The following SYTL5 variants were observed in gnomAD, a reference collection of about 807,000 sequenced individuals.
SYTL5 encodes the protein synaptotagmin like 5, also known as synaptotagmin-like protein 5.
In SYTL5, 34 loss-of-function variants were observed where a neutral mutation model predicts 55.9. The ratio of observed to expected loss-of-function variants is 0.61; its 90% CI spans 0.46 to 0.81. The LOEUF (loss-of-function observed/expected upper bound fraction) is 0.81, where lower values mean the gene tolerates loss of function less well. Ranked by LOEUF, SYTL5 falls within the 30% of genes least tolerant of loss-of-function variation. SYTL5 has a pLI of 0.00. For missense variants in SYTL5, 637 were observed against 546.7 expected (o/e 1.17, Z -1.65); for synonymous variants, 221 against 188.7 (o/e 1.17, Z -1.40).
chrX:38,053,575 A>T (rs1383089012), intron 2 of SYTL5, among the ~76,000 whole-genome samples: 1 of 112,294 alleles, frequency 8.9e-6, no homozygotes, highest in East Asian at 2.8e-4. Context: ...AATGGTAGGC[A>T]GTCTACAGCC....
intron 7 of SYTL5, among the ~76,000 whole-genome samples, chrX:38,090,327 A>T (rs186513080): frequency 1.3e-3 from 142 of 111,851 alleles, no homozygotes; most frequent in African/African-American, 4.4e-3. Context: ...TTTTCTATAC[A>T]TCTGTTAACA....
intron 1 of SYTL5, among the ~76,000 whole-genome samples, chrX:38,033,206 T>C (rs1935009501): frequency 9.0e-6 from 1 of 111,281 alleles, no homozygotes; most frequent in Non-Finnish European, 1.9e-5. Context: ...GCAGTCCAGA[T>C]TGTGCACTTA....
chrX:38,101,519 G>A (rs962477323), intron 9 of SYTL5, among the ~76,000 whole-genome samples: 3 of 110,665 alleles, frequency 2.7e-5, no homozygotes, highest in Non-Finnish European at 5.7e-5. Context: ...TGTAACATGT[G>A]CAGCAGGATG....
the SYTL5 span, among the ~76,000 whole-genome samples, chrX:37,971,221 CT>C: frequency 7.6e-5 from 8 of 105,852 alleles, no homozygotes; most frequent in East Asian, 1.2e-3. Flanking sequence ...TAAAGACCTT[CT>C]TTTTTTTTTC....
intron 6 of SYTL5, among the ~76,000 whole-genome samples, chrX:38,085,686 G>A (rs757186967): frequency 2.7e-5 from 3 of 111,636 alleles, no homozygotes; most frequent in South Asian, 7.6e-4. Context: ...TCTCAGGTTC[G>A]TGCTGCCTTA....
chrX:38,000,067 C>T, the SYTL5 span, among the ~76,000 whole-genome samples: 1 of 112,087 alleles, frequency 8.9e-6, no homozygotes, highest in South Asian at 3.7e-4. Context: ...GATAGTGAGT[C>T]TTGACAACAC....
intron 7 of SYTL5, among the ~76,000 whole-genome samples, chrX:38,091,141 A>G (rs1056588604): frequency 4.5e-5 from 5 of 111,749 alleles, no homozygotes; most frequent in African/African-American, 1.6e-4. Context: ...GCTGTAGGAG[A>G]ACAAGAGTGA....
chrX:38,036,309 AAAT>A (rs1464183584), intron 2 of SYTL5, among the ~76,000 whole-genome samples: 1 of 110,791 alleles, frequency 9.0e-6, no homozygotes. Flanking sequence ...CCATCTCAAA[AAAT>A]AATAATAATA....
chrX:37,996,731 G>GC, the SYTL5 span, among the ~76,000 whole-genome samples: 1 of 112,067 alleles, frequency 8.9e-6, no homozygotes, highest in South Asian at 3.9e-4. Context: ...GGGAAGCAAA[G>GC]CATTTTGAAG....
intron 5 of SYTL5, among the ~76,000 whole-genome samples, chrX:38,076,323 T>G (rs1936388296): frequency 9.0e-6 from 1 of 111,667 alleles, no homozygotes; most frequent in Non-Finnish European, 1.9e-5. Flanking sequence ...GAATAGGCAG[T>G]CTTTTGCTTA....
chrX:38,081,595 A>C (rs1432433803), intron 6 of SYTL5, among the ~76,000 whole-genome samples: 1 of 111,463 alleles, frequency 9.0e-6, no homozygotes, highest in Non-Finnish European at 1.9e-5. Flanking sequence ...TGGTCTAAGG[A>C]AACAGAGATA....
chrX:37,912,722 A>G, the SYTL5 span, among the ~76,000 whole-genome samples: 4 of 112,001 alleles, frequency 3.6e-5, no homozygotes, highest in African/African-American at 6.5e-5. Flanking sequence ...ATTTTTCCTC[A>G]TAACAACTTT....
the SYTL5 span, among the ~76,000 whole-genome samples, chrX:37,956,033 T>A: frequency 0.36 from 39,909 of 110,829 alleles, 5,184 homozygotes; most frequent in East Asian, 0.6. Flanking sequence ...GTGGGAAAGA[T>A]ACAAAATGTA....
At chrX:37,963,974 C>T in the SYTL5 span, among the ~76,000 whole-genome samples, 82 of 111,812 alleles carry the variant, frequency 7.3e-4, no homozygotes, top group Middle Eastern at 4.7e-3. Context: ...TCTGTTGAGA[C>T]GATCATGTGA....
intron 3 of SYTL5, among the ~76,000 whole-genome samples, chrX:38,063,043 A>T (rs1935998150): frequency 9.0e-6 from 1 of 111,326 alleles, no homozygotes; most frequent in African/African-American, 3.3e-5. Flanking sequence ...AATCCTTTCA[A>T]GTGCCCTCTT....
intron 13 of SYTL5, among the ~76,000 whole-genome samples, chrX:38,119,687 G>T (rs1173377397): frequency 2.7e-5 from 3 of 111,984 alleles, no homozygotes; most frequent in Non-Finnish European, 5.6e-5. Context: ...ATTTCTCTGG[G>T]ATAAATGACC....
intron 8 of SYTL5, among the ~76,000 whole-genome samples, chrX:38,095,435 A>C (rs1324954060): frequency 5.4e-5 from 6 of 111,850 alleles, no homozygotes; most frequent in Non-Finnish European, 1.1e-4. Flanking sequence ...TTTATAAGTA[A>C]CTATATTGAT....
chrX:37,923,532 T>C, the SYTL5 span, among the ~76,000 whole-genome samples: 1 of 110,376 alleles, frequency 9.1e-6, no homozygotes, highest in Non-Finnish European at 1.9e-5. Context: ...TTTATATATA[T>C]ATAAAGAATG....
chrX:38,072,119 CG>C lies in SYTL5; in HGVS notation c.404del (p.Gly135AlafsTer10). ...AACGTTTCAAGCAAGTCAATGTTCTCGGCACTGATGTTGTCCGACAGTCCAT... is the reference window on the plus strand; with the variant it reads ...AACGTTTCAAGCAAGTCAATGTTCTCGCACTGATGTTGTCCGACAGTCCAT... Reference protein sequence around the residue: ...AKRFKQVNVLGTDVVRQSILR... With the variant: ...AKRFKQVNVLXTDVVRQSILR... On this transcript the variant is annotated frameshift_variant, in exon 4 of 17. Transcript: ENST00000297875. LOFTEE classifies it high-confidence loss of function. 2.5e-6 allele frequency: 3 copies of C among 1,210,313 alleles called. No homozygotes were observed. Among genetic ancestry groups the C allele is most frequent in the Non-Finnish European group, 3.4e-6 (3 of 894,501 alleles).
Sources: gnomAD v4.1 joint callset for allele counts (sites outside exome capture counted in the v4.1 genomes callset) on GRCh38, gnomAD v4.1.1 for gene constraint, MANE v1.5 for transcripts, NCBI Gene and HGNC (gene_info 2026-07-23, HGNC 2026-07-21) for gene names.